The following LRRTM4 variants were observed in gnomAD, a reference collection of about 807,000 sequenced individuals.
LRRTM4 encodes the protein leucine rich repeat transmembrane neuronal 4, also known as leucine-rich repeat transmembrane neuronal protein 4.
In LRRTM4, 25 loss-of-function variants were observed where a neutral mutation model predicts 47.6. The ratio of observed to expected loss-of-function variants is 0.53; its 90% CI spans 0.38 to 0.73. LRRTM4 has a LOEUF of 0.73. Among genes scored for constraint, LRRTM4 ranks in the 30% least tolerant of loss-of-function variants. The probability of loss-of-function intolerance (pLI) is 0.00; values close to 1 mark genes in which losing one functional copy is unlikely to be tolerated. For missense variants in LRRTM4, 638 were observed against 713.4 expected, an observed-to-expected ratio of 0.89 and a Z score of 1.20; for synonymous variants, 311 against 269.5, an observed-to-expected ratio of 1.15 and a Z score of -1.51.
intron 3 of LRRTM4, among the ~76,000 whole-genome samples, chr2:77,336,265 G>T (rs1167542543): frequency 1.3e-5 from 2 of 150,220 alleles, no homozygotes; most frequent in Non-Finnish European, 3.0e-5. Context: ...AGGAAGGAAA[G>T]AAGGAAGGAA....
At chr2:77,079,495 T>C (rs1229070067) in intron 3 of LRRTM4, among the ~76,000 whole-genome samples, 1 of 152,216 alleles carries the variant, frequency 6.6e-6, no homozygotes, top group African/African-American at 2.4e-5. Context: ...CACAAACGTA[T>C]AAACTTTCTT....
At position 76,955,255 on chromosome 2, in the gene LRRTM4, ATAAC is replaced by A. The variant is rs566826423; in HGVS notation, c.1552-206343_1552-206340del. Among the ~76,000 whole-genome samples the A allele has an allele frequency of 7.2e-5, 11 of 151,994 alleles. No homozygotes were observed. In the South Asian group the frequency reaches 1.2e-3, roughly 17 times the overall value. On this transcript the variant is annotated intron_variant, in intron 3 of 3. Transcript: ENST00000409884. ...TAGGAGTTAACAAAAAAGTATAAAA[ATAAC>A]TACAACGATTAAAATAGGTCAATTG... is the stretch of plus-strand genomic sequence containing the variant.
intron 3 of LRRTM4, among the ~76,000 whole-genome samples, chr2:76,770,891 T>C (rs531545092): frequency 2.0e-4 from 31 of 152,340 alleles, no homozygotes; most frequent in Admixed American, 3.9e-4. Context: ...CTGTGCTACA[T>C]GTTCCAAGAG....
intron 3 of LRRTM4, among the ~76,000 whole-genome samples, chr2:77,329,950 C>T (rs1232107686): frequency 2.6e-5 from 4 of 152,044 alleles, no homozygotes; most frequent in Non-Finnish European, 5.9e-5. Flanking sequence ...GTTGTGAATT[C>T]ATTTAGGCAA....
chr2:77,235,673 T>C (rs1244931230), intron 3 of LRRTM4, among the ~76,000 whole-genome samples: 1 of 152,160 alleles, frequency 6.6e-6, no homozygotes, highest in Non-Finnish European at 1.5e-5. Flanking sequence ...TTTTAATCCA[T>C]CTTGAGTTAA....
intron 3 of LRRTM4, among the ~76,000 whole-genome samples, chr2:77,397,324 G>T (rs1198759635): frequency 2.0e-5 from 3 of 151,730 alleles, no homozygotes; most frequent in African/African-American, 7.3e-5. Flanking sequence ...CTAGGAAAAG[G>T]GAGTATCTTG....
rs143567043 is a variant in LRRTM4 at position 77,366,932 on chromosome 2, G to T, written c.1551+151386C>A. ...GTCACTTTTTAAAAATCACAAATAC[G>T]TCTTTCTACTCTCCTTCATTAATGA... On this transcript the variant is annotated intron_variant, in intron 3 of 3. Transcript: ENST00000409884. 4.5e-3 allele frequency among the ~76,000 whole-genome samples: 688 copies of T among 151,738 alleles called. 3 individuals are homozygous for T. The highest frequency in any genetic ancestry group is 7.2e-3 in the Non-Finnish European group (485 of 67,792).
intron 3 of LRRTM4, among the ~76,000 whole-genome samples, chr2:76,898,358 G>A (rs1673495042): frequency 6.9e-6 from 1 of 144,508 alleles, no homozygotes; most frequent in Admixed American, 7.2e-5. Flanking sequence ...GTAAAAAACA[G>A]CAATTGAAAT....
intron 3 of LRRTM4, among the ~76,000 whole-genome samples, chr2:77,243,016 G>T (rs766410681): frequency 6.6e-6 from 1 of 152,148 alleles, no homozygotes; most frequent in African/African-American, 2.4e-5. Flanking sequence ...TGCAGTGTAT[G>T]CAGGTAGTGA....
At chr2:76,903,309 G>A (rs1573286916) in intron 3 of LRRTM4, among the ~76,000 whole-genome samples, 2 of 152,094 alleles carry the variant, frequency 1.3e-5, no homozygotes, top group Admixed American at 6.6e-5. Flanking sequence ...GGCTGAGGAG[G>A]GTGTATCACG....
At chr2:76,835,992 T>TCCCCTGGG (rs1233959502) in intron 3 of LRRTM4, among the ~76,000 whole-genome samples, 6 of 152,168 alleles carry the variant, frequency 3.9e-5, no homozygotes, top group African/African-American at 1.4e-4. Context: ...TCCCAGGGGA[T>TCCCCTGGG]ATTTCTTTTT....
intron 3 of LRRTM4, among the ~76,000 whole-genome samples, chr2:76,898,111 G>A (rs1451981127): frequency 6.6e-6 from 1 of 152,086 alleles, no homozygotes; most frequent in African/African-American, 2.4e-5. Flanking sequence ...CATCTACTGA[G>A]TTATACACAT....
In LRRTM4 at chr2:77,519,019, A is replaced by T. The variant is rs1488153728; in HGVS notation, c.850T>A (p.Leu284Met). ...ATATTGGTGAGCTTGTTGGAATCCA[A>T]ATTCAATTTTTGTAAATTGGGGAGG... ...KCLPNLQKLN[L>M]DSNKLTNISQ... Residue 284 changes from leucine to methionine, a missense_variant, in exon 3 of 4, where the codon TTG becomes ATG. Coordinates refer to ENST00000409884, the MANE Select transcript of LRRTM4 (RefSeq NM_001134745.3). This position sits in a 1 kb window ranked among gnomAD's most constrained non-coding sequence, Gnocchi z 4.6. The T allele has an allele frequency of 1.2e-6, 2 of 1,611,788 alleles. No individual in the cohort carries two copies. The highest frequency in any genetic ancestry group is 2.2e-5 in the East Asian group (1 of 44,760).
intron 3 of LRRTM4, among the ~76,000 whole-genome samples, chr2:76,865,517 G>T (rs571887191): frequency 6.6e-6 from 1 of 152,248 alleles, no homozygotes; most frequent in South Asian, 2.1e-4. Context: ...ATCAGAGAAA[G>T]TATTAGACTT....
chr2:77,519,479 G>A lies in LRRTM4; in HGVS notation c.390C>T (p.His130=), dbSNP rs72813115. 1.3e-3 allele frequency: 2,175 copies of A among 1,613,454 alleles called. 3 individuals are homozygous for A. The highest frequency in any genetic ancestry group is 1.3e-3 in the Non-Finnish European group (1,508 of 1,179,638). The change falls in exon 3 of 4, where the codon CAC becomes CAT. Residue 130 remains histidine, a synonymous_variant. Coordinates refer to ENST00000409884, the MANE Select transcript of LRRTM4 (RefSeq NM_001134745.3). This position sits in a 1 kb window ranked among gnomAD's most constrained non-coding sequence, Gnocchi z 4.6. ...CCAGATTGCGGAGATTGGGAACTGG[G>A]TGAAATGTTTTATTGTGCAGATAAG... ...KITYLHNKTF[H]PVPNLRNLDL...
intron 3 of LRRTM4, among the ~76,000 whole-genome samples, chr2:77,136,077 G>A (rs1671930833): frequency 6.6e-6 from 1 of 152,144 alleles, no homozygotes; most frequent in Non-Finnish European, 1.5e-5. Context: ...CAGCCTGAGT[G>A]ACGCAGAAGA....
intron 3 of LRRTM4, among the ~76,000 whole-genome samples, chr2:76,911,084 A>G (rs1303628075): frequency 6.6e-6 from 1 of 152,220 alleles, no homozygotes. Context: ...CTTAGGTAAT[A>G]ATATGAAACA....
chr2:77,208,290 C>A (rs1015887038), intron 3 of LRRTM4, among the ~76,000 whole-genome samples: 1 of 152,172 alleles, frequency 6.6e-6, no homozygotes, highest in African/African-American at 2.4e-5. Flanking sequence ...TTAGCCCCCT[C>A]TTCCTCCCTT....
chr2:77,013,652 G>T (rs1677955029), intron 3 of LRRTM4, among the ~76,000 whole-genome samples: 1 of 152,086 alleles, frequency 6.6e-6, no homozygotes. Flanking sequence ...AAGCAACAAG[G>T]GCAGAAATCA....
Sources: allele counts gnomAD v4.1 joint callset (sites outside exome capture counted in the v4.1 genomes callset), GRCh38; gene constraint gnomAD v4.1.1; non-coding constraint Gnocchi (gnomAD v3.1); transcripts MANE v1.5; gene names NCBI Gene and HGNC (gene_info 2026-07-23, HGNC 2026-07-21).